Variants in UBAC2 observed in about 807,000 individuals in gnomAD.
UBAC2 encodes the protein UBA domain containing 2, also known as ubiquitin-associated domain-containing protein 2.
Under a neutral mutation model 44.0 loss-of-function variants are expected in UBAC2, and 26 were observed. The ratio of observed to expected loss-of-function variants is 0.59; its 90% CI spans 0.43 to 0.82. The LOEUF (loss-of-function observed/expected upper bound fraction) is 0.82, where lower values mean the gene tolerates loss of function less well. UBAC2 is among the 40% of genes least tolerant of loss of function. The pLI, the probability that UBAC2 is intolerant of heterozygous loss-of-function variation, is 0.00. For synonymous variants in UBAC2, 155 were observed against 154.3 expected (o/e 1.00, Z -0.04); for missense variants, 329 against 419.4 (o/e 0.78, Z 1.88).
At chr13:99,292,069 G>A (rs2044095405) in intron 4 of UBAC2, among the ~76,000 whole-genome samples, 1 of 152,020 alleles carries the variant, frequency 6.6e-6, no homozygotes, top group Non-Finnish European at 1.5e-5. Flanking sequence ...ACCTTTTCAG[G>A]GGCCACATGA....
chr13:99,315,502 A>G (rs1422664946), intron 5 of UBAC2, among the ~76,000 whole-genome samples: 1 of 152,182 alleles, frequency 6.6e-6, no homozygotes, highest in East Asian at 1.9e-4. Flanking sequence ...CTGTTTTATT[A>G]ATTGTGGAGT....
At chr13:99,242,970 G>T (rs1475271025) in intron 2 of UBAC2, among the ~76,000 whole-genome samples, 1 of 150,122 alleles carries the variant, frequency 6.7e-6, no homozygotes, top group Non-Finnish European at 1.5e-5. Context: ...GGGAAGAGGC[G>T]CTCCTCACTT....
At position 99,200,880 on chromosome 13, in the gene UBAC2, CCCTCTGGGGCTCCGAGCCCGGCGG is replaced by C. The variant is rs2042785208; in HGVS notation, c.-28_-5del. The stretch of plus-strand genomic sequence containing the variant: ...CACTTCAGCTTCCCCTCCCCCGGCG[CCCTCTGGGGCTCCGAGCCCGGCGG>C]GACCATGTTCACCAGCACCGGCTCC... On this transcript the variant is annotated 5_prime_UTR_variant, in exon 1 of 9. Coordinates refer to ENST00000403766, the MANE Select transcript of UBAC2 (RefSeq NM_001144072.2). 3.8e-6 allele frequency: 5 copies of C among 1,300,814 alleles called. No homozygotes were observed. The highest frequency in any genetic ancestry group is 1.5e-5 in the African/African-American group (1 of 65,818). 80.6% of individuals were successfully genotyped at this position (1,300,814 alleles called of 1,614,324 possible). A position where few individuals can be genotyped will look rare whatever the true frequency, so the allele number is the denominator to read the frequency against.
intron 4 of UBAC2, among the ~76,000 whole-genome samples, chr13:99,271,078 A>G (rs1416439877): frequency 1.3e-5 from 2 of 152,238 alleles, no homozygotes; most frequent in African/African-American, 4.8e-5. Context: ...GCACTGATCA[A>G]AGCAGACAAA....
chr13:99,221,763 A>G (rs984576537), intron 1 of UBAC2, among the ~76,000 whole-genome samples: 3 of 152,102 alleles, frequency 2.0e-5, no homozygotes, highest in African/African-American at 7.2e-5. Flanking sequence ...TGTCAGAAAC[A>G]TCTGTCACTC....
intron 1 of UBAC2, among the ~76,000 whole-genome samples, chr13:99,207,993 CTTT>C (rs369860759): frequency 2.0e-4 from 22 of 109,504 alleles, no homozygotes; most frequent in Admixed American, 4.8e-4. Context: ...CTCATCGTCT[CTTT>C]TTTTTTTTTT....
intron 7 of UBAC2, among the ~76,000 whole-genome samples, chr13:99,350,974 T>G (rs1370091312): frequency 4.6e-5 from 7 of 152,096 alleles, no homozygotes; most frequent in Non-Finnish European, 7.4e-5. Context: ...TTGTGTTGAG[T>G]CGTGTGTGAG....
At chr13:99,223,270 T>C (rs2043071148) in intron 1 of UBAC2, among the ~76,000 whole-genome samples, 2 of 152,198 alleles carry the variant, frequency 1.3e-5, no homozygotes, top group African/African-American at 2.4e-5. Flanking sequence ...ATTCACATTG[T>C]TGTGCAACTT....
At chr13:99,309,675 A>G (rs1232386139) in intron 4 of UBAC2, among the ~76,000 whole-genome samples, 1 of 151,962 alleles carries the variant, frequency 6.6e-6, no homozygotes, top group African/African-American at 2.4e-5. Context: ...ATCTTGGCTC[A>G]CTGCAACCTC....
At chr13:99,332,283 A>G (rs1422558765) in intron 6 of UBAC2, among the ~76,000 whole-genome samples, 1 of 152,148 alleles carries the variant, frequency 6.6e-6, no homozygotes, top group Non-Finnish European at 1.5e-5. Flanking sequence ...GGACAGTTGA[A>G]GTTTACTCTC....
intron 4 of UBAC2, among the ~76,000 whole-genome samples, chr13:99,307,101 AT>A (rs2044347588): frequency 6.6e-6 from 1 of 152,092 alleles, no homozygotes; most frequent in Non-Finnish European, 1.5e-5. Flanking sequence ...AGTGAGCCCT[AT>A]TTTTTGACAA....
At chr13:99,245,101 T>G (rs1330032636) in intron 4 of UBAC2, among the ~76,000 whole-genome samples, 2 of 152,214 alleles carry the variant, frequency 1.3e-5, no homozygotes, top group Non-Finnish European at 2.9e-5. Flanking sequence ...CCCAAAGTGC[T>G]TGAGCCACTG....
intron 4 of UBAC2, among the ~76,000 whole-genome samples, chr13:99,245,075 C>T (rs868579376): frequency 6.6e-6 from 1 of 152,136 alleles, no homozygotes; most frequent in Non-Finnish European, 1.5e-5. Flanking sequence ...CTCAGGTGAT[C>T]CACCCGCCTC....
intron 3 of UBAC2, 75 bp from the exon 4 acceptor site, chr13:99,244,440 G>C (rs1483023774): frequency 9.9e-7 from 1 of 1,008,936 alleles, no homozygotes; most frequent in African/African-American, 1.6e-5. Flanking sequence ...CCTCTGAGCT[G>C]ATTCTAGCTG....
chr13:99,206,673 A>G (rs2042876276), intron 1 of UBAC2, among the ~76,000 whole-genome samples: 2 of 152,098 alleles, frequency 1.3e-5, no homozygotes, highest in African/African-American at 4.8e-5. Context: ...CTTTGCATTG[A>G]TTTATGGGGT....
At position 99,295,222 on chromosome 13, in the gene UBAC2, G is replaced by A. The variant is rs1770515151; in HGVS notation, c.390-18875G>A. The A allele has an allele frequency of 3.1e-6, 5 of 1,614,014 alleles. No homozygotes were observed. Among genetic ancestry groups the A allele is most frequent in the African/African-American group, 1.3e-5 (1 of 74,922 alleles). On this transcript the variant is annotated intron_variant, in intron 4 of 8. Transcript: ENST00000403766. This position sits in a 1 kb window ranked among gnomAD's most constrained non-coding sequence, Gnocchi z 4.1. ...TCTTATACCCTTTACATGCAAAGAA[G>A]TAGATAAAAGGGTCCATGCAGCAAT...
intron 4 of UBAC2, chr13:99,312,878 G>A (rs996352630): frequency 1.3e-5 from 2 of 153,318 alleles, no homozygotes; most frequent in African/African-American, 2.4e-5. Context: ...AAGCGAACTG[G>A]GGAGCTTTGC....
intron 4 of UBAC2, among the ~76,000 whole-genome samples, chr13:99,267,034 C>G (rs988375536): frequency 2.6e-5 from 4 of 151,522 alleles, no homozygotes; most frequent in African/African-American, 7.3e-5. Context: ...GCCCTTCCCT[C>G]CCCTCCCTCC....
chr13:99,298,193 T>A (rs1344610781), intron 4 of UBAC2, among the ~76,000 whole-genome samples: 1 of 152,130 alleles, frequency 6.6e-6, no homozygotes, highest in Non-Finnish European at 1.5e-5. Context: ...CTCAACATGA[T>A]TTAAAAGCTA....
Sources: allele counts gnomAD v4.1 joint callset (sites outside exome capture counted in the v4.1 genomes callset), GRCh38; gene constraint gnomAD v4.1.1; non-coding constraint Gnocchi (gnomAD v3.1); transcripts MANE v1.5; gene names NCBI Gene and HGNC (gene_info 2026-07-23, HGNC 2026-07-21).